CRIM1: variants seen among roughly 807,000 people sequenced by gnomAD.
CRIM1 encodes cysteine-rich motor neuron 1 protein.
CRIM1 carries 32 observed loss-of-function variants against 116.4 expected under a neutral mutation model. The observed-to-expected ratio is 0.27, with a 90% confidence interval of 0.21 to 0.37. The LOEUF is 0.37. Ranked by LOEUF, CRIM1 falls within the 10% of genes least tolerant of loss-of-function variation. The pLI is 1.00. For synonymous variants in CRIM1, 590 were observed against 509.2 expected, an observed-to-expected ratio of 1.16 and a Z score of -2.13; for missense variants, 1,331 against 1,354.8, an observed-to-expected ratio of 0.98 and a Z score of 0.28.
intron 2 of CRIM1, among the ~76,000 whole-genome samples, chr2:36,409,877 C>G (rs1673081620): frequency 6.6e-6 from 1 of 152,072 alleles, no homozygotes; most frequent in Non-Finnish European, 1.5e-5. Flanking sequence ...TCATATTGAC[C>G]TTCACTAAGC....
chr2:36,392,318 C>T (rs1671677585), intron 1 of CRIM1, among the ~76,000 whole-genome samples: 1 of 152,186 alleles, frequency 6.6e-6, no homozygotes, highest in Non-Finnish European at 1.5e-5. Context: ...AAATTATAAA[C>T]TTAAAAATAC....
chr2:36,441,385 G>C lies in CRIM1; in HGVS notation c.633G>C (p.Val211=). 1 of 1,614,200 alleles carries C rather than the reference G, an allele frequency of 6.2e-7. No individual in the cohort carries two copies. The highest frequency in any genetic ancestry group is 1.1e-5 in the South Asian group (1 of 91,088). ...GCTGTCCCTTACCCAGCCGCTGCGTGTGCAACCCCGCAGGCTGTCTGCGCA... is the reference window on the plus strand; with the variant it reads ...GCTGTCCCTTACCCAGCCGCTGCGTCTGCAACCCCGCAGGCTGTCTGCGCA... ...GECCPLPSRC[V]CNPAGCLRKV... Residue 211 remains valine (V), a synonymous_variant, in exon 3 of 17, where the codon GTG becomes GTC. Coordinates refer to ENST00000280527, the MANE Select transcript of CRIM1 (RefSeq NM_016441.3).
intron 2 of CRIM1, among the ~76,000 whole-genome samples, chr2:36,441,023 CA>C (rs1392616743): frequency 2.6e-5 from 4 of 152,138 alleles, no homozygotes; most frequent in African/African-American, 9.7e-5. Flanking sequence ...TTGTTTAACA[CA>C]AGTGGGTAGG....
At chr2:36,482,448 A>C (rs1273107507) in intron 7 of CRIM1, among the ~76,000 whole-genome samples, 1 of 152,262 alleles carries the variant, frequency 6.6e-6, no homozygotes, top group African/African-American at 2.4e-5. Context: ...AATGGATCTT[A>C]CTGCTTAGTT....
intron 8 of CRIM1, among the ~76,000 whole-genome samples, chr2:36,503,933 C>T (rs2125094595): frequency 6.6e-6 from 1 of 151,960 alleles, no homozygotes; most frequent in East Asian, 1.9e-4. Flanking sequence ...TTCAGTGGTG[C>T]AAACACAGCT....
At chr2:36,533,049 T>G (rs67930685) in intron 13 of CRIM1, among the ~76,000 whole-genome samples, 5,754 of 152,308 alleles carry the variant, frequency 0.038, 173 homozygotes, top group African/African-American at 0.079. Context: ...ATATTCCCAG[T>G]CTTTATTTCT....
At chr2:36,420,562 G>A (rs772395739) in intron 2 of CRIM1, among the ~76,000 whole-genome samples, 2 of 152,248 alleles carry the variant, frequency 1.3e-5, no homozygotes, top group Non-Finnish European at 1.5e-5. Context: ...CCATATGTAC[G>A]GGGTCTTAAG....
intron 7 of CRIM1, among the ~76,000 whole-genome samples, chr2:36,495,897 A>G (rs978263267): frequency 6.6e-6 from 1 of 152,144 alleles, no homozygotes; most frequent in Admixed American, 6.6e-5. Flanking sequence ...CTATATACTT[A>G]CCGGTCATAT....
At chr2:36,431,135 G>A (rs1674857565) in intron 2 of CRIM1, among the ~76,000 whole-genome samples, 1 of 152,132 alleles carries the variant, frequency 6.6e-6, no homozygotes, top group Admixed American at 6.5e-5. Flanking sequence ...CTGAGACATA[G>A]CAAGCATGGA....
chr2:36,435,880 G>GTTGC (rs1675272104), intron 2 of CRIM1, among the ~76,000 whole-genome samples: 1 of 149,540 alleles, frequency 6.7e-6, no homozygotes, highest in Non-Finnish European at 1.5e-5. Context: ...AGTTACTTCT[G>GTTGC]TTGCAAGTGA....
In CRIM1 at chr2:36,356,643, G is replaced by C; in HGVS notation, c.331+20G>C. On this transcript the variant is annotated intron_variant, in intron 1 of 16. Coordinates refer to ENST00000280527, the MANE Select transcript of CRIM1 (RefSeq NM_016441.3). This position sits in a 1 kb window ranked among gnomAD's most constrained non-coding sequence, Gnocchi z 4.3. ...GCGAAGGTACGGCCGCCCGCTGCGG[G>C]CCCCCTCCCACCTGGCCTGCGCCGC... is the stretch of plus-strand genomic sequence containing the variant. 6.3e-7 allele frequency: 1 copy of C among 1,595,668 alleles called. No homozygotes were observed. Among genetic ancestry groups the C allele is most frequent in the Non-Finnish European group, 8.5e-7 (1 of 1,173,090 alleles).
At chr2:36,544,088 T>C (rs1329060609) in intron 14 of CRIM1, among the ~76,000 whole-genome samples, 2 of 152,230 alleles carry the variant, frequency 1.3e-5, no homozygotes, top group Non-Finnish European at 2.9e-5. Flanking sequence ...TCCCCTTCAG[T>C]TTCCATAAAA....
chr2:36,421,867 A>G (rs914628479), intron 2 of CRIM1, among the ~76,000 whole-genome samples: 1 of 151,956 alleles, frequency 6.6e-6, no homozygotes, highest in African/African-American at 2.4e-5. Context: ...CAGTTTTTTC[A>G]ATGCCTTTGG....
At chr2:36,466,901 C>A (rs1678084945) in intron 5 of CRIM1, among the ~76,000 whole-genome samples, 1 of 152,212 alleles carries the variant, frequency 6.6e-6, no homozygotes, top group Admixed American at 6.5e-5. Flanking sequence ...GGGTGAGGAA[C>A]CGGAGTGCCC....
At chr2:36,412,765 T>A (rs1213611039) in intron 2 of CRIM1, among the ~76,000 whole-genome samples, 1 of 152,206 alleles carries the variant, frequency 6.6e-6, no homozygotes, top group Non-Finnish European at 1.5e-5. Flanking sequence ...ATACAAATGG[T>A]GGCCCATTTG....
chr2:36,543,638 G>A (rs968119544), intron 14 of CRIM1, among the ~76,000 whole-genome samples: 17 of 151,844 alleles, frequency 1.1e-4, no homozygotes, highest in African/African-American at 4.1e-4. Context: ...TCGTTAGCTG[G>A]ATGAAGTATA....
intron 5 of CRIM1, among the ~76,000 whole-genome samples, chr2:36,472,870 T>A (rs1459452842): frequency 1.3e-5 from 2 of 152,198 alleles, no homozygotes; most frequent in African/African-American, 2.4e-5. Flanking sequence ...CAACTCAGAT[T>A]AGTTTGTTAG....
At chr2:36,516,901 G>A (rs368582986) in intron 11 of CRIM1, among the ~76,000 whole-genome samples, 1 of 152,142 alleles carries the variant, frequency 6.6e-6, no homozygotes, top group Non-Finnish European at 1.5e-5. Flanking sequence ...GTGACTGTAA[G>A]GAATAAATGA....
intron 14 of CRIM1, among the ~76,000 whole-genome samples, chr2:36,542,806 T>C (rs772165181): frequency 4.6e-5 from 7 of 151,628 alleles, no homozygotes; most frequent in Admixed American, 4.6e-4. Context: ...CACATGAGAG[T>C]TTTTCAGTGG....
Sources: gnomAD v4.1 joint callset for allele counts (sites outside exome capture counted in the v4.1 genomes callset) on GRCh38, gnomAD v4.1.1 for gene constraint, Gnocchi (gnomAD v3.1) non-coding constraint, MANE v1.5 for transcripts, NCBI Gene and HGNC (gene_info 2026-07-23, HGNC 2026-07-21) for gene names.